Variants in LDHC observed in about 807,000 individuals in gnomAD.
LDHC encodes lactate dehydrogenase C.
Under a neutral mutation model 30.2 loss-of-function variants are expected in LDHC, and 20 were observed. The ratio of observed to expected loss-of-function variants is 0.66; its 90% CI spans 0.47 to 0.96. The LOEUF is 0.96. Ranked by LOEUF, LDHC falls within the 40% of genes least tolerant of loss-of-function variation. The pLI, the probability that LDHC is intolerant of heterozygous loss-of-function variation, is 0.00. For synonymous variants in LDHC, 139 were observed against 132.7 expected, an observed-to-expected ratio of 1.05 and a Z score of -0.32; for missense variants, 362 against 394.9, an observed-to-expected ratio of 0.92 and a Z score of 0.71.
intron 3 of LDHC, among the ~76,000 whole-genome samples, chr11:18,428,217 G>A (rs1848198415): frequency 7.6e-6 from 1 of 130,872 alleles, no homozygotes; most frequent in Admixed American, 8.9e-5. Context: ...TGTCACACAG[G>A]CTGGAGTGCA....
chr11:18,414,383 G>A (rs1866965808), intron 2 of LDHC, among the ~76,000 whole-genome samples: 1 of 152,158 alleles, frequency 6.6e-6, no homozygotes, highest in Admixed American at 6.6e-5. Context: ...GGTTCCCATG[G>A]AAAAGAGAAA....
intron 3 of LDHC, among the ~76,000 whole-genome samples, chr11:18,417,344 A>G (rs920073819): frequency 2.6e-5 from 4 of 152,232 alleles, no homozygotes; most frequent in African/African-American, 4.8e-5. Context: ...AAAGTACTAC[A>G]AGAAATTTAA....
intron 7 of LDHC, among the ~76,000 whole-genome samples, chr11:18,449,789 C>CCAGAGATG (rs1406972682): frequency 6.6e-6 from 1 of 152,116 alleles, no homozygotes; most frequent in Non-Finnish European, 1.5e-5. Flanking sequence ...GAGTAGAGCC[C>CCAGAGATG]CAGAGATGGT....
chr11:18,425,691 G>C (rs1324790171), intron 3 of LDHC, among the ~76,000 whole-genome samples: 2 of 152,142 alleles, frequency 1.3e-5, no homozygotes, highest in Non-Finnish European at 2.9e-5. Context: ...TGTAATCCCA[G>C]TACTTTGGGA....
At chr11:18,429,705 G>T in intron 3 of LDHC, 32 bp from the exon 4 acceptor site, 1 of 1,369,658 alleles carries the variant, frequency 7.3e-7, no homozygotes. Flanking sequence ...TGGTAATGTT[G>T]ATCCAAATAT....
chr11:18,440,158 A>AT (rs1848439875), intron 6 of LDHC, among the ~76,000 whole-genome samples: 1 of 150,370 alleles, frequency 6.7e-6, no homozygotes. Context: ...AAAAAAAAAA[A>AT]AAAAAATTAG....
At chr11:18,417,454 C>G (rs56164037) in intron 3 of LDHC, among the ~76,000 whole-genome samples, 15,924 of 152,134 alleles carry the variant, frequency 0.1, 893 homozygotes, top group Admixed American at 0.15. Context: ...AGTGCAGTGG[C>G]ATAATCATGG....
At chr11:18,417,666 C>T (rs1204236643) in intron 3 of LDHC, among the ~76,000 whole-genome samples, 1 of 152,180 alleles carries the variant, frequency 6.6e-6, no homozygotes, top group Non-Finnish European at 1.5e-5. Context: ...CCACGCCCAA[C>T]CCATTTTTAT....
At chr11:18,446,367 T>TG in intron 7 of LDHC, 34 bp downstream of exon 7, 1 of 1,490,352 alleles carries the variant, frequency 6.7e-7, no homozygotes, top group Admixed American at 1.7e-5. Context: ...TTATCATTCT[T>TG]TCCTTTAATA....
intron 5 of LDHC, among the ~76,000 whole-genome samples, chr11:18,435,345 C>T (rs141545950): frequency 1.3e-5 from 2 of 151,978 alleles, no homozygotes; most frequent in African/African-American, 4.8e-5. Context: ...CACCATCTGC[C>T]TTAGTACTGT....
chr11:18,443,571 C>A (rs1049096573), intron 6 of LDHC, among the ~76,000 whole-genome samples: 14 of 151,536 alleles, frequency 9.2e-5, no homozygotes, highest in African/African-American at 3.4e-4. Flanking sequence ...GCCATCCTCA[C>A]ACCTCAGCCT....
At chr11:18,445,303 C>T (rs947338860) in intron 6 of LDHC, among the ~76,000 whole-genome samples, 4 of 152,108 alleles carry the variant, frequency 2.6e-5, no homozygotes, top group Admixed American at 1.3e-4. Flanking sequence ...ATTCTCCTAC[C>T]TCAGCCTCTC....
chr11:18,421,709 A>C (rs1338130913), intron 3 of LDHC, among the ~76,000 whole-genome samples: 1 of 151,948 alleles, frequency 6.6e-6, no homozygotes, highest in Non-Finnish European at 1.5e-5. Flanking sequence ...GGATCTCGCT[A>C]TGTTGCCCAG....
Position 18,429,928 on chromosome 11 carries a change from C to T in LDHC, c.418+18C>T, listed in dbSNP as rs1848234822. 1 of 1,475,252 alleles carries T rather than the reference C, an allele frequency of 6.8e-7. No homozygotes were observed. Among genetic ancestry groups the T allele is most frequent in the Non-Finnish European group, 9.4e-7 (1 of 1,058,258 alleles). 91.4% of individuals were successfully genotyped at this position (1,475,252 alleles called of 1,614,324 possible). A position where few individuals can be genotyped will look rare whatever the true frequency, so the allele number is the denominator to read the frequency against. ...AAATCCAGGTGAGTCTTCTCTCTTCCATTCTATTGCATAAGGATGATCTTT... is the reference window on the plus strand; with the variant it reads ...AAATCCAGGTGAGTCTTCTCTCTTCTATTCTATTGCATAAGGATGATCTTT... On this transcript the variant is annotated intron_variant, in intron 4 of 7. Coordinates refer to ENST00000541669, the MANE Select transcript of LDHC (RefSeq NM_017448.5).
chr11:18,447,450 A>C (rs1329474092), intron 7 of LDHC, among the ~76,000 whole-genome samples: 1 of 151,990 alleles, frequency 6.6e-6, no homozygotes, highest in Non-Finnish European at 1.5e-5. Flanking sequence ...CTCTATTTTT[A>C]GTGAAAGGAG....
At chr11:18,438,116 T>C (rs532270402) in intron 5 of LDHC, among the ~76,000 whole-genome samples, 2 of 152,240 alleles carry the variant, frequency 1.3e-5, no homozygotes, top group East Asian at 3.9e-4. Context: ...TAATTTAGCT[T>C]GTGCTTCTGC....
rs73438666 is a variant in LDHC at position 18,434,964 on chromosome 11, G to C, written c.592+51G>C. ...GTGACTACCCTTCTTATCTCTACTA[G>C]TGCTTATTTCCTTTAAAGTTTTTTC... On this transcript the variant is annotated intron_variant, in intron 5 of 7. Transcript: ENST00000541669. 6 of 1,258,044 alleles carry C rather than the reference G, an allele frequency of 4.8e-6. No homozygotes were observed. The African/African-American group carries it at 9.0e-5, about 19-fold the overall frequency. The allele number at this position is 1,258,044 out of a possible 1,614,324, so 77.9% of individuals were successfully genotyped here. A position where few individuals can be genotyped will look rare whatever the true frequency, so the allele number is the denominator to read the frequency against.
At chr11:18,414,144 T>G (rs1400878080) in intron 2 of LDHC, among the ~76,000 whole-genome samples, 1 of 152,238 alleles carries the variant, frequency 6.6e-6, no homozygotes, top group Non-Finnish European at 1.5e-5. Flanking sequence ...TTGCATGTTA[T>G]TCTTAGAGCT....
rs768632086 is a variant in LDHC, at chr11:18,444,715, A to T, written c.711-1495A>T. Among the ~76,000 whole-genome samples the T allele has an allele frequency of 2.5e-4, 36 of 145,652 alleles. No individual in the cohort carries two copies. The Middle Eastern group carries it at 0.011, about 44-fold the overall frequency. ...GGCTTTAAAACGGGGTAGTTGTAAG[A>T]CCTCCTGATATGAATGATATATGCT... On this transcript the variant is annotated intron_variant, in intron 6 of 7. Coordinates refer to ENST00000541669, the MANE Select transcript of LDHC (RefSeq NM_017448.5).
Sources: allele counts gnomAD v4.1 joint callset (sites outside exome capture counted in the v4.1 genomes callset), GRCh38; gene constraint gnomAD v4.1.1; transcripts MANE v1.5; gene names NCBI Gene and HGNC (gene_info 2026-07-23, HGNC 2026-07-21).